NCK2: variants seen among roughly 807,000 people sequenced by gnomAD.
The protein encoded by NCK2 is cytoplasmic protein NCK2.
NCK2 carries 16 observed loss-of-function variants against 33.9 expected under a neutral mutation model. The ratio of observed to expected loss-of-function variants is 0.47; its 90% CI spans 0.32 to 0.72. The LOEUF is 0.72. Ranked by LOEUF, NCK2 falls within the 30% of genes least tolerant of loss-of-function variation. The pLI, the probability that NCK2 is intolerant of heterozygous loss-of-function variation, is 0.03. For synonymous variants in NCK2, 273 were observed against 239.9 expected, an observed-to-expected ratio of 1.14 and a Z score of -1.27; for missense variants, 418 against 537.3, an observed-to-expected ratio of 0.78 and a Z score of 2.19.
chr2:105,772,510 G>C (rs1394814736), intron 1 of NCK2, among the ~76,000 whole-genome samples: 1 of 152,070 alleles, frequency 6.6e-6, no homozygotes, highest in Non-Finnish European at 1.5e-5. Flanking sequence ...AGAAGTGGCC[G>C]GATCTCTGGT....
At chr2:105,885,304 CT>C (rs35571182) in intron 4 of NCK2, among the ~76,000 whole-genome samples, 1 of 152,060 alleles carries the variant, frequency 6.6e-6, no homozygotes, top group East Asian at 1.9e-4. Context: ...TCATACAGTA[CT>C]TTTTTTTCCA....
At chr2:105,880,069 C>G (rs866188944) in intron 3 of NCK2, among the ~76,000 whole-genome samples, 1 of 152,158 alleles carries the variant, frequency 6.6e-6, no homozygotes, top group Non-Finnish European at 1.5e-5. Context: ...TCCGGAATTC[C>G]GTGCATTTTA....
chr2:105,851,183 G>A (rs1433806239), intron 2 of NCK2, among the ~76,000 whole-genome samples: 1 of 152,098 alleles, frequency 6.6e-6, no homozygotes, highest in Non-Finnish European at 1.5e-5. Context: ...CCATAACTCA[G>A]CTTCAGAACA....
chr2:105,766,918 T>C (rs1689968396), intron 1 of NCK2, among the ~76,000 whole-genome samples: 1 of 152,250 alleles, frequency 6.6e-6, no homozygotes, highest in Admixed American at 6.5e-5. Flanking sequence ...TCCGTCTTCC[T>C]GCTGCCTGTG....
intron 1 of NCK2, among the ~76,000 whole-genome samples, chr2:105,810,165 T>A (rs1471135911): frequency 6.6e-6 from 1 of 152,166 alleles, no homozygotes; most frequent in Non-Finnish European, 1.5e-5. Flanking sequence ...CTGTGCTTAA[T>A]TACCAAAGTA....
chr2:105,891,182 A>G (rs1678957802), intron 4 of NCK2, among the ~76,000 whole-genome samples: 1 of 150,670 alleles, frequency 6.6e-6, no homozygotes, highest in South Asian at 2.1e-4. Context: ...ATACTCACAT[A>G]CTCCCTCTCA....
At chr2:105,785,055 T>C (rs966610329) in intron 1 of NCK2, among the ~76,000 whole-genome samples, 1 of 152,232 alleles carries the variant, frequency 6.6e-6, no homozygotes, top group Admixed American at 6.5e-5. Flanking sequence ...CTCAGCTCAC[T>C]GCAAGCTCCA....
At chr2:105,861,102 T>G (rs1435542160) in intron 3 of NCK2, among the ~76,000 whole-genome samples, 1 of 152,050 alleles carries the variant, frequency 6.6e-6, no homozygotes, top group Non-Finnish European at 1.5e-5. Context: ...CTAAATTGAG[T>G]TCTTGTGAAA....
intron 1 of NCK2, among the ~76,000 whole-genome samples, chr2:105,791,220 TC>T (rs1690870329): frequency 1.3e-5 from 2 of 152,196 alleles, no homozygotes; most frequent in African/African-American, 4.8e-5. Flanking sequence ...GGATTTAAAT[TC>T]TAGTAATTCT....
intron 3 of NCK2, among the ~76,000 whole-genome samples, chr2:105,866,898 T>C (rs552060434): frequency 6.6e-6 from 1 of 152,218 alleles, no homozygotes; most frequent in African/African-American, 2.4e-5. Flanking sequence ...GGCTTATATA[T>C]TCTGTGAGTC....
At chr2:105,813,096 A>G (rs142439886) in intron 1 of NCK2, among the ~76,000 whole-genome samples, 74 of 152,368 alleles carry the variant, frequency 4.9e-4, no homozygotes, top group African/African-American at 1.7e-3. Flanking sequence ...ACAAGTGTGC[A>G]TTCAAATTCT....
In NCK2 at chr2:105,835,402, T is replaced by C. The variant is rs867692216; in HGVS notation, c.-17+18789T>C. 5.5e-5 allele frequency among the ~76,000 whole-genome samples: 4 copies of C among 73,130 alleles called. 1 individual carries two copies. The highest frequency in any genetic ancestry group is 1.1e-3 in the East Asian group (2 of 1,746). The allele number at this position is 73,130 out of a possible 152,430, so 48.0% of individuals were successfully genotyped here. ...ATATATATACACATATATATATATATATACGTGTATATATATATATATTTT... is the reference window on the plus strand; with the variant it reads ...ATATATATACACATATATATATATACATACGTGTATATATATATATATTTT... On this transcript the variant is annotated intron_variant, in intron 2 of 4. Coordinates refer to ENST00000233154, the MANE Select transcript of NCK2 (RefSeq NM_003581.5).
chr2:105,813,583 G>A (rs1420694749), intron 1 of NCK2, among the ~76,000 whole-genome samples: 2 of 152,210 alleles, frequency 1.3e-5, no homozygotes, highest in Non-Finnish European at 2.9e-5. Context: ...GCACCACACA[G>A]GCATTGGGGA....
intron 2 of NCK2, among the ~76,000 whole-genome samples, chr2:105,823,586 G>A (rs1675830255): frequency 6.6e-6 from 1 of 151,956 alleles, no homozygotes; most frequent in Admixed American, 6.5e-5. Context: ...CACAGTTTAT[G>A]GGGAATGAAT....
At chr2:105,789,998 C>T (rs1425065582) in intron 1 of NCK2, among the ~76,000 whole-genome samples, 2 of 152,180 alleles carry the variant, frequency 1.3e-5, no homozygotes, top group East Asian at 1.9e-4. Flanking sequence ...CCAACACTAG[C>T]GTGTTCATGT....
At chr2:105,775,758 C>CGGGA in intron 1 of NCK2, among the ~76,000 whole-genome samples, 1 of 152,142 alleles carries the variant, frequency 6.6e-6, no homozygotes, top group African/African-American at 2.4e-5. Flanking sequence ...CCACACCTCC[C>CGGGA]GGTGTGGTGA....
intron 3 of NCK2, among the ~76,000 whole-genome samples, chr2:105,859,372 G>C (rs537928642): frequency 7.9e-5 from 12 of 152,180 alleles, no homozygotes; most frequent in African/African-American, 2.9e-4. Context: ...CCACCTGCCC[G>C]TGGCTCACCC....
chr2:105,804,560 A>T (rs1208989313), intron 1 of NCK2, among the ~76,000 whole-genome samples: 2 of 152,218 alleles, frequency 1.3e-5, no homozygotes, highest in African/African-American at 2.4e-5. Flanking sequence ...GCCCAGACAC[A>T]GTATTTGAAT....
At chr2:105,864,813 G>A (rs1251218301) in intron 3 of NCK2, among the ~76,000 whole-genome samples, 2 of 141,674 alleles carry the variant, frequency 1.4e-5, no homozygotes, top group Non-Finnish European at 3.0e-5. Flanking sequence ...GTAACCTCTA[G>A]CTCACATGTG....
Sources: gnomAD v4.1 joint callset for allele counts (sites outside exome capture counted in the v4.1 genomes callset) on GRCh38, gnomAD v4.1.1 for gene constraint, MANE v1.5 for transcripts, NCBI Gene and HGNC (gene_info 2026-07-23, HGNC 2026-07-21) for gene names.